The following ATP7B variants were observed in gnomAD, a reference collection of about 807,000 sequenced individuals.
The protein encoded by ATP7B is ATPase copper transporting beta.
In ATP7B, 113 loss-of-function variants were observed where a neutral mutation model predicts 118.9. The ratio of observed to expected loss-of-function variants is 0.95; its 90% CI spans 0.82 to 1.11. ATP7B has a LOEUF of 1.11. ATP7B is among the 50% of genes most tolerant of loss of function. The pLI is 0.00. For synonymous variants in ATP7B, 777 were observed against 727.4 expected, an observed-to-expected ratio of 1.07 and a Z score of -1.10; for missense variants, 1,867 against 1,871.4, an observed-to-expected ratio of 1.00 and a Z score of 0.04.
intron 9 of ATP7B, 124 bp downstream of exon 9, chr13:51,957,392 T>A: frequency 1.0e-6 from 1 of 980,276 alleles, no homozygotes; most frequent in Non-Finnish European, 1.6e-6. Flanking sequence ...AGAGTGGTGA[T>A]CTTACTGTGT....
At chr13:52,001,272 A>C (rs1953480148) in intron 1 of ATP7B, among the ~76,000 whole-genome samples, 1 of 152,168 alleles carries the variant, frequency 6.6e-6, no homozygotes, top group South Asian at 2.1e-4. Flanking sequence ...TCAACACAAA[A>C]GTCAGAATAC....
In ATP7B at chr13:51,960,323, C is replaced by G. The variant is rs1405260211; in HGVS notation, c.1947-1G>C. The stretch of plus-strand genomic sequence containing the variant: ...GCTGCACAGGAAAGACTTCTTCCAC[C>G]TGGAAAGCAAATGCAGCAACACAGA... On this transcript the variant is annotated splice_acceptor_variant, in intron 6 of 20. Coordinates refer to ENST00000242839, the MANE Select transcript of ATP7B (RefSeq NM_000053.4). LOFTEE classifies it high-confidence loss of function. 1.2e-6 allele frequency: 2 copies of G among 1,612,902 alleles called. No homozygotes were observed. The highest frequency in any genetic ancestry group is 1.7e-6 in the Non-Finnish European group (2 of 1,179,742).
intron 4 of ATP7B, chr13:51,967,047 G>A: frequency 1.9e-6 from 3 of 1,609,370 alleles, no homozygotes; most frequent in Non-Finnish European, 2.5e-6. Context: ...AGTGGGATGG[G>A]AAGGAAAGCA....
Position 51,949,595 on chromosome 13 carries a change from G to A in ATP7B, c.2865+67C>T, listed in dbSNP as rs956017436. On this transcript the variant is annotated intron_variant, in intron 12 of 20. Coordinates refer to ENST00000242839, the MANE Select transcript of ATP7B (RefSeq NM_000053.4). Reference sequence around the variant, plus strand: ...AGCCCAGTGAATCTAAGATATGAAAGAACAGGATCAATGTCAGTAGATTAT... The same window carrying A: ...AGCCCAGTGAATCTAAGATATGAAAAAACAGGATCAATGTCAGTAGATTAT... 4.4e-6 allele frequency: 7 copies of A among 1,584,930 alleles called. No individual in the cohort carries two copies. In the South Asian group the frequency reaches 7.8e-5, roughly 18 times the overall value.
chr13:51,946,816 T>C (rs1395719237), intron 12 of ATP7B, among the ~76,000 whole-genome samples: 1 of 152,204 alleles, frequency 6.6e-6, no homozygotes, highest in Admixed American at 6.5e-5. Flanking sequence ...TGATAATGCA[T>C]AGCTCATAAA....
rs1956849118 is a variant in ATP7B at position 51,934,643 on chromosome 13, A to T, written c.*113T>A. 1 of 1,502,150 alleles carries T rather than the reference A, an allele frequency of 6.7e-7. No homozygotes were observed. Among genetic ancestry groups the T allele is most frequent in the South Asian group, 1.2e-5 (1 of 86,408 alleles). The allele number at this position is 1,502,150 out of a possible 1,614,324, so 93.1% of individuals were successfully genotyped here. A position where few individuals can be genotyped will look rare whatever the true frequency, so the allele number is the denominator to read the frequency against. ...GCAGGATGACTGGACATATCCAGGG[A>T]GCGGAAGTCCCCAAAGCTGGAGGCT... is the stretch of plus-strand genomic sequence containing the variant. On this transcript the variant is annotated 3_prime_UTR_variant, in exon 21 of 21. Coordinates refer to ENST00000242839, the MANE Select transcript of ATP7B (RefSeq NM_000053.4).
Position 51,974,899 on chromosome 13 carries a change from C to G in ATP7B, c.321G>C (p.Val107=). ...TTTGATGGCAAACCTGTTGCAGGCACACAACCGATGGCACATATTTCACAG... is the reference window on the plus strand; with the variant it reads ...TTTGATGGCAAACCTGTTGCAGGCAGACAACCGATGGCACATATTTCACAG... The part of the protein sequence containing the change: ...SATVKYVPSV[V]CLQQVCHQIG... Residue 107 remains valine, a synonymous_variant, in exon 2 of 21, where the codon GTG becomes GTC. Coordinates refer to ENST00000242839, the MANE Select transcript of ATP7B (RefSeq NM_000053.4). 1 of 1,614,238 alleles carries G rather than the reference C, an allele frequency of 6.2e-7. No homozygotes were observed. The highest frequency in any genetic ancestry group is 8.5e-7 in the Non-Finnish European group (1 of 1,180,042).
At chr13:51,935,100 GA>G in intron 20 of ATP7B, 71 bp from the exon 21 acceptor site, 1 of 1,570,008 alleles carries the variant, frequency 6.4e-7, no homozygotes, top group Non-Finnish European at 8.7e-7. Flanking sequence ...TAAGCCTGGT[GA>G]AGGCCTCTCA....
intron 12 of ATP7B, among the ~76,000 whole-genome samples, chr13:51,948,395 G>C (rs985341122): frequency 1.3e-5 from 2 of 152,100 alleles, no homozygotes; most frequent in African/African-American, 4.8e-5. Flanking sequence ...GTCTACAGGT[G>C]CATCACCACA....
chr13:51,968,561 G>C lies in ATP7B; in HGVS notation c.1590C>G (p.Ile530Met), dbSNP rs745800861. The C allele has an allele frequency of 1.2e-6, 2 of 1,614,140 alleles. No individual in the cohort carries two copies. Among genetic ancestry groups the C allele is most frequent in the South Asian group, 1.1e-5 (1 of 91,082 alleles). ...GCTGGATGACCTCTGGGTCATACTT[G>C]ATCTCTGCCTTTCCTGCCATCAAGG... ...LVALMAGKAE[I>M]KYDPEVIQPL... Residue 530 changes from isoleucine to methionine, a missense_variant, in exon 4 of 21, where the codon ATC (isoleucine) becomes ATG (methionine). Physicochemically the swap from Ile to Met is conservative, Grantham distance 10. Transcript: ENST00000242839.
chr13:51,946,305 C>T lies in ATP7B; in HGVS notation c.3039G>A (p.Lys1013=), dbSNP rs535112212. The T allele has an allele frequency of 4.4e-6, 7 of 1,595,974 alleles. No homozygotes were observed. Among genetic ancestry groups the T allele is most frequent in the Non-Finnish European group, 6.0e-6 (7 of 1,171,616 alleles). ...TGACCTTGTGCGCCATCTCCAGGGG[C>T]TTGCCTCCCTTGATGAGGATGCCGT... ...AQNGILIKGG[K]PLEMAHKIKT... Residue 1013 remains lysine, a synonymous_variant, in exon 13 of 21, where the codon AAG becomes AAA. Transcript: ENST00000242839.
At chr13:51,957,910 T>C (rs1008638135) in intron 8 of ATP7B, 1 of 465,968 alleles carries the variant, frequency 2.1e-6, no homozygotes, top group South Asian at 2.1e-5. Flanking sequence ...TTTTAGGGCC[T>C]GAGTTCCATT....
At chr13:51,991,077 ACT>A (rs1226146009) in intron 1 of ATP7B, among the ~76,000 whole-genome samples, 2 of 150,776 alleles carry the variant, frequency 1.3e-5, no homozygotes, top group African/African-American at 2.4e-5. Context: ...ACGGAGCGAG[ACT>A]CTGTCTCATA....
intron 2 of ATP7B, among the ~76,000 whole-genome samples, chr13:51,972,866 T>A (rs1951908612): frequency 6.6e-6 from 1 of 151,990 alleles, no homozygotes; most frequent in Non-Finnish European, 1.5e-5. Context: ...ATGAGCCCGG[T>A]GTGGTGGTGC....
At chr13:51,936,488 G>A (rs1010589707) in intron 19 of ATP7B, among the ~76,000 whole-genome samples, 2 of 151,012 alleles carry the variant, frequency 1.3e-5, no homozygotes, top group Non-Finnish European at 3.0e-5. Flanking sequence ...TAAGGAGGGG[G>A]AATGAGGGGG....
intron 9 of ATP7B, among the ~76,000 whole-genome samples, chr13:51,950,997 G>A (rs1957968262): frequency 6.6e-6 from 1 of 152,120 alleles, no homozygotes; most frequent in Non-Finnish European, 1.5e-5. Flanking sequence ...GAGTCTCCTG[G>A]AGCAGAGCAT....
intron 16 of ATP7B, among the ~76,000 whole-genome samples, chr13:51,940,483 A>T (rs1957267764): frequency 6.6e-6 from 1 of 151,472 alleles, no homozygotes; most frequent in Admixed American, 6.6e-5. Flanking sequence ...CGTCTCTACT[A>T]AAAATACAAA....
At chr13:52,005,269 T>C (rs1204870030) in intron 1 of ATP7B, among the ~76,000 whole-genome samples, 1 of 152,258 alleles carries the variant, frequency 6.6e-6, no homozygotes, top group African/African-American at 2.4e-5. Context: ...TTATAATTTC[T>C]GTCTTTAATT....
Position 51,935,583 on chromosome 13 carries a change from G to C in ATP7B, c.4124+10C>G. ...AGCCTCCCACAGATGCTCCACCTGA[G>C]GGGACTCACCACTTGAGCTGCAGGG... On this transcript the variant is annotated intron_variant, in intron 20 of 20. Transcript: ENST00000242839. 1 of 1,611,968 alleles carries C rather than the reference G, an allele frequency of 6.2e-7. No individual in the cohort carries two copies. Among genetic ancestry groups the C allele is most frequent in the South Asian group, 1.1e-5 (1 of 90,412 alleles).
Sources: allele counts gnomAD v4.1 joint callset (sites outside exome capture counted in the v4.1 genomes callset), GRCh38; gene constraint gnomAD v4.1.1; transcripts MANE v1.5; gene names NCBI Gene and HGNC (gene_info 2026-07-23, HGNC 2026-07-21).